Variants in EPHB1 observed in about 807,000 individuals in gnomAD.
The protein encoded by EPHB1 is ephrin type-B receptor 1.
A neutral mutation model predicts 94.4 loss-of-function variants in EPHB1; 30 were observed. That is an observed-to-expected ratio of 0.32 (90% CI 0.24 to 0.43). The LOEUF (loss-of-function observed/expected upper bound fraction) is 0.43, where lower values mean the gene tolerates loss of function less well. Among genes scored for constraint, EPHB1 ranks in the 20% least tolerant of loss-of-function variants. The probability of loss-of-function intolerance (pLI) is 1.00; values close to 1 mark genes in which losing one functional copy is unlikely to be tolerated. For synonymous variants in EPHB1, 522 were observed against 489.1 expected (o/e 1.07, Z -0.89); for missense variants, 1,055 against 1,308.3 (o/e 0.81, Z 2.99).
At chr3:135,216,584 G>A (rs969229027) in intron 12 of EPHB1, among the ~76,000 whole-genome samples, 1 of 151,812 alleles carries the variant, frequency 6.6e-6, no homozygotes, top group Non-Finnish European at 1.5e-5. Flanking sequence ...TTAGCCAAGT[G>A]TACTGGCACT....
chr3:135,229,850 C>T (rs1407893142), intron 12 of EPHB1, among the ~76,000 whole-genome samples: 1 of 152,212 alleles, frequency 6.6e-6, no homozygotes, highest in Non-Finnish European at 1.5e-5. Flanking sequence ...CCCATGTAGC[C>T]TCCATGCACA....
chr3:134,840,713 T>G (rs2036759929), intron 1 of EPHB1, among the ~76,000 whole-genome samples: 1 of 152,170 alleles, frequency 6.6e-6, no homozygotes, highest in Non-Finnish European at 1.5e-5. Context: ...TTTTATGAAG[T>G]TGGTGAGAAT....
At chr3:135,132,317 CCTTGAGTTCTACA>C (rs1213244184) in intron 4 of EPHB1, among the ~76,000 whole-genome samples, 6 of 140,580 alleles carry the variant, frequency 4.3e-5, no homozygotes, top group Middle Eastern at 3.6e-3. Flanking sequence ...ATCCTTCTAC[CCTTGAGTTCTACA>C]CCAATTAAGA....
intron 3 of EPHB1, among the ~76,000 whole-genome samples, chr3:135,072,333 A>G (rs1434077631): frequency 1.3e-5 from 2 of 152,170 alleles, no homozygotes; most frequent in Admixed American, 1.3e-4. Context: ...GCAGTGAGCC[A>G]AGATCACGCC....
At chr3:135,144,524 A>C (rs1940945623) in intron 5 of EPHB1, among the ~76,000 whole-genome samples, 1 of 152,172 alleles carries the variant, frequency 6.6e-6, no homozygotes, top group Non-Finnish European at 1.5e-5. Context: ...AGGGTCAGAT[A>C]TATGATCCCA....
chr3:135,001,796 C>T (rs1249832243), intron 3 of EPHB1, among the ~76,000 whole-genome samples: 1 of 152,160 alleles, frequency 6.6e-6, no homozygotes, highest in Non-Finnish European at 1.5e-5. Context: ...TACCAAGACT[C>T]ATAAACCTGC....
At chr3:134,940,921 A>T (rs1183401238) in intron 2 of EPHB1, among the ~76,000 whole-genome samples, 6 of 152,254 alleles carry the variant, frequency 3.9e-5, no homozygotes, top group African/African-American at 1.4e-4. Flanking sequence ...TAAATGAGAT[A>T]AATGAGCTGG....
chr3:135,003,018 T>G (rs1935242723), intron 3 of EPHB1, among the ~76,000 whole-genome samples: 1 of 152,250 alleles, frequency 6.6e-6, no homozygotes, highest in African/African-American at 2.4e-5. Flanking sequence ...ATGTGTTTGC[T>G]CTTGCTTTTC....
chr3:134,985,388 C>T (rs1331911790), intron 3 of EPHB1, among the ~76,000 whole-genome samples: 1 of 152,146 alleles, frequency 6.6e-6, no homozygotes, highest in Admixed American at 6.6e-5. Flanking sequence ...GAACTCCTGA[C>T]CTCGAGTGAT....
intron 5 of EPHB1, among the ~76,000 whole-genome samples, chr3:135,148,522 A>G (rs1198298345): frequency 1.3e-5 from 2 of 152,086 alleles, no homozygotes; most frequent in Non-Finnish European, 2.9e-5. Context: ...GTGGTCTGCC[A>G]GGCTGCATCT....
chr3:135,142,236 G>A (rs141275362), intron 5 of EPHB1, among the ~76,000 whole-genome samples: 341 of 152,272 alleles, frequency 2.2e-3, no homozygotes, highest in African/African-American at 7.7e-3. Context: ...GAAGAGAATG[G>A]GAAATGGAAC....
At chr3:134,806,217 A>G (rs34407968) in intron 1 of EPHB1, among the ~76,000 whole-genome samples, 31,493 of 152,158 alleles carry the variant, frequency 0.21, 6,611 homozygotes, top group African/African-American at 0.54. Context: ...ACTGTAATGA[A>G]TGGAATATGG....
At chr3:134,853,546 A>T (rs372924176) in intron 1 of EPHB1, among the ~76,000 whole-genome samples, 7 of 152,364 alleles carry the variant, frequency 4.6e-5, no homozygotes, top group African/African-American at 1.4e-4. Flanking sequence ...AATGGGAAAG[A>T]TTTGAAGATT....
chr3:135,146,300 G>A (rs540139079), intron 5 of EPHB1, among the ~76,000 whole-genome samples: 1 of 152,330 alleles, frequency 6.6e-6, no homozygotes, highest in Non-Finnish European at 1.5e-5. Flanking sequence ...TTTTAGCATT[G>A]GAGTAACAAA....
At chr3:134,912,690 C>T (rs2038479197) in intron 1 of EPHB1, among the ~76,000 whole-genome samples, 1 of 152,186 alleles carries the variant, frequency 6.6e-6, no homozygotes, top group Non-Finnish European at 1.5e-5. Flanking sequence ...GTGGGGCTGC[C>T]CAGCACCATG....
chr3:135,092,959 T>A (rs968479554), intron 3 of EPHB1, among the ~76,000 whole-genome samples: 12 of 152,152 alleles, frequency 7.9e-5, no homozygotes, highest in Admixed American at 5.9e-4. Context: ...TCCACCCCCA[T>A]TTAGCTGCTT....
intron 3 of EPHB1, among the ~76,000 whole-genome samples, chr3:135,021,167 T>A (rs895777802): frequency 2.0e-5 from 3 of 152,222 alleles, no homozygotes; most frequent in Non-Finnish European, 2.9e-5. Context: ...CTATTCATTT[T>A]ACCAGAAGAT....
intron 3 of EPHB1, among the ~76,000 whole-genome samples, chr3:135,054,129 A>G (rs1368659592): frequency 6.6e-6 from 1 of 151,968 alleles, no homozygotes; most frequent in Non-Finnish European, 1.5e-5. Flanking sequence ...TGACATTAAA[A>G]TTAGATTTTA....
chr3:134,898,229 A>G (rs1216380576), intron 1 of EPHB1, among the ~76,000 whole-genome samples: 2 of 152,148 alleles, frequency 1.3e-5, no homozygotes, highest in African/African-American at 4.8e-5. Context: ...TTACACTTTT[A>G]TATTCATCTC....
Sources: allele counts gnomAD v4.1 joint callset (sites outside exome capture counted in the v4.1 genomes callset), GRCh38; gene constraint gnomAD v4.1.1; transcripts MANE v1.5; gene names NCBI Gene and HGNC (gene_info 2026-07-23, HGNC 2026-07-21).